The following NETO1 variants were observed in gnomAD, a reference collection of about 807,000 sequenced individuals.
NETO1 encodes the protein neuropilin and tolloid-like protein 1.
A neutral mutation model predicts 61.3 loss-of-function variants in NETO1; 26 were observed. The ratio of observed to expected loss-of-function variants is 0.42; its 90% CI spans 0.31 to 0.59. The LOEUF (loss-of-function observed/expected upper bound fraction) is 0.59. Ranked by LOEUF, NETO1 falls within the 20% of genes least tolerant of loss-of-function variation. The probability of loss-of-function intolerance (pLI) is 0.12; values close to 1 mark genes in which losing one functional copy is unlikely to be tolerated. For missense variants in NETO1, 531 were observed against 662.8 expected (o/e 0.80, Z 2.18); for synonymous variants, 225 against 225.8 (o/e 1.00, Z 0.03).
chr18:72,836,991 G>A (rs955717666), intron 4 of NETO1, among the ~76,000 whole-genome samples: 5 of 152,170 alleles, frequency 3.3e-5, no homozygotes, highest in African/African-American at 7.2e-5. Flanking sequence ...CCAGGAATCC[G>A]TGATTGACTG....
intron 7 of NETO1, among the ~76,000 whole-genome samples, chr18:72,770,631 A>G (rs889624245): frequency 2.0e-5 from 3 of 152,160 alleles, no homozygotes; most frequent in Non-Finnish European, 4.4e-5. Context: ...GCAATTCACA[A>G]GGTGGCGGCA....
intron 8 of NETO1, among the ~76,000 whole-genome samples, chr18:72,751,050 T>TACACACACACACACACACACACACACAC (rs764681364): frequency 7.2e-5 from 10 of 138,028 alleles, no homozygotes; most frequent in African/African-American, 2.2e-4. Context: ...CATCTTAAAA[T>TACACACACACACACACACACACACACAC]ACACACACAC....
At chr18:72,810,687 T>C (rs2072836281) in intron 4 of NETO1, among the ~76,000 whole-genome samples, 1 of 152,208 alleles carries the variant, frequency 6.6e-6, no homozygotes, top group Non-Finnish European at 1.5e-5. Context: ...CACAGCTGTT[T>C]ATGAGATACC....
At chr18:72,779,747 T>C (rs1183638418) in intron 7 of NETO1, among the ~76,000 whole-genome samples, 2 of 152,174 alleles carry the variant, frequency 1.3e-5, no homozygotes, top group African/African-American at 2.4e-5. Flanking sequence ...AAGTAAAACA[T>C]TATGACAAAT....
intron 4 of NETO1, among the ~76,000 whole-genome samples, chr18:72,831,032 C>T (rs867364823): frequency 2.0e-5 from 3 of 152,208 alleles, no homozygotes; most frequent in South Asian, 2.1e-4. Flanking sequence ...TTTCAAGACC[C>T]CCTTACCCCA....
chr18:72,759,926 A>G (rs2070915718), intron 7 of NETO1, among the ~76,000 whole-genome samples: 1 of 152,228 alleles, frequency 6.6e-6, no homozygotes, highest in Non-Finnish European at 1.5e-5. Context: ...CACAGTTTCC[A>G]GGGTCACAAG....
chr18:72,783,639 A>C (rs756706368), intron 7 of NETO1, 39 bp downstream of exon 7: 19 of 1,544,666 alleles, frequency 1.2e-5, no homozygotes, highest in Admixed American at 1.7e-5. Context: ...ATCATATGGC[A>C]TATACGAAGG....
At chr18:72,774,476 A>G (rs1406062039) in intron 7 of NETO1, among the ~76,000 whole-genome samples, 1 of 152,170 alleles carries the variant, frequency 6.6e-6, no homozygotes, top group Non-Finnish European at 1.5e-5. Context: ...AATTCTTTAG[A>G]GTCAATAAAT....
intron 4 of NETO1, among the ~76,000 whole-genome samples, chr18:72,841,096 G>A (rs1290946363): frequency 6.6e-6 from 1 of 152,144 alleles, no homozygotes. Context: ...GGTCTTCAGG[G>A]GAATGGAGAG....
intron 4 of NETO1, among the ~76,000 whole-genome samples, chr18:72,847,022 T>C (rs1489690860): frequency 6.6e-6 from 1 of 152,254 alleles, no homozygotes; most frequent in Non-Finnish European, 1.5e-5. Context: ...TGGTTTTTGT[T>C]ATCACACCTG....
chr18:72,838,408 T>G lies in NETO1; in HGVS notation c.469+20418A>C, dbSNP rs2073822966. 2.0e-5 allele frequency among the ~76,000 whole-genome samples: 3 copies of G among 152,338 alleles called. No individual in the cohort carries two copies. The South Asian group carries it at 6.2e-4, about 32-fold the overall frequency. ...GTGACATCTCTAGGTTTCATCTCCC[T>G]GATATGCCACCTGGATGGGCAGGTT... On this transcript the variant is annotated intron_variant, in intron 4 of 10. Coordinates refer to ENST00000327305, the MANE Select transcript of NETO1 (RefSeq NM_138966.5).
intron 4 of NETO1, among the ~76,000 whole-genome samples, chr18:72,795,745 T>C (rs1310427342): frequency 1.3e-5 from 2 of 152,246 alleles, no homozygotes; most frequent in African/African-American, 4.8e-5. Context: ...TATCATTTTC[T>C]TGCATAGTGA....
intron 4 of NETO1, among the ~76,000 whole-genome samples, chr18:72,814,507 A>G (rs1327456396): frequency 6.6e-6 from 1 of 152,142 alleles, no homozygotes; most frequent in African/African-American, 2.4e-5. Flanking sequence ...AGGAACAAAT[A>G]GAAAGCATAA....
Position 72,818,373 on chromosome 18 carries a change from A to G in NETO1, c.470-23969T>C, listed in dbSNP as rs188720241. On this transcript the variant is annotated intron_variant, in intron 4 of 10. Coordinates refer to ENST00000327305, the MANE Select transcript of NETO1 (RefSeq NM_138966.5). The stretch of plus-strand genomic sequence containing the variant: ...GTATCACATAAAACAGATTCTGCCT[A>G]TGGCAACAGGCTTTCCTATATTTAA... 2.9e-3 allele frequency among the ~76,000 whole-genome samples: 444 copies of G among 152,324 alleles called. 6 individuals carry two copies. Among genetic ancestry groups the G allele is most frequent in the Middle Eastern group, 0.01 (3 of 294 alleles).
rs2074789693 is a variant in NETO1 at position 72,867,921 on chromosome 18, AT to A, written c.-631del. The A allele has an allele frequency of 6.6e-6, 1 of 151,672 alleles. No individual in the cohort carries two copies. Among genetic ancestry groups the A allele is most frequent in the African/African-American group, 2.4e-5 (1 of 41,220 alleles). 9.4% of individuals were successfully genotyped at this position (151,672 alleles called of 1,614,324 possible). ...GCCCTTGGGGATCTTCCGCTGAGGC[AT>A]TGAAGGCAGGAAGAAGGGGTCCGTC... On this transcript the variant is annotated 5_prime_UTR_variant, in exon 1 of 11. In the 5' UTR this introduces an upstream ATG that the reference lacks. Transcript: ENST00000327305.
chr18:72,810,016 C>A (rs1167339601), intron 4 of NETO1, among the ~76,000 whole-genome samples: 1 of 152,120 alleles, frequency 6.6e-6, no homozygotes, highest in Non-Finnish European at 1.5e-5. Context: ...ATGTATGAAA[C>A]TTTTTCTAAA....
chr18:72,794,620 A>T (rs186182316), intron 4 of NETO1, among the ~76,000 whole-genome samples: 1 of 152,198 alleles, frequency 6.6e-6, no homozygotes. Flanking sequence ...GGTTTTTCTC[A>T]ATACAAAAAA....
intron 4 of NETO1, among the ~76,000 whole-genome samples, chr18:72,846,317 A>G (rs2074082115): frequency 6.6e-6 from 1 of 151,674 alleles, no homozygotes; most frequent in South Asian, 2.1e-4. Context: ...AGCCTGGCCA[A>G]TATGGTGAAA....
chr18:72,813,287 A>G (rs2072927976), intron 4 of NETO1, among the ~76,000 whole-genome samples: 1 of 152,230 alleles, frequency 6.6e-6, no homozygotes. Flanking sequence ...TTAAGTGACA[A>G]GGGTTACACG....
Sources: gnomAD v4.1 joint callset for allele counts (sites outside exome capture counted in the v4.1 genomes callset) on GRCh38, gnomAD v4.1.1 for gene constraint, MANE v1.5 for transcripts, NCBI Gene and HGNC (gene_info 2026-07-23, HGNC 2026-07-21) for gene names.